ELMO1: variants seen among roughly 807,000 people sequenced by gnomAD.
The protein encoded by ELMO1 is engulfment and cell motility protein 1.
ELMO1 carries 26 observed loss-of-function variants against 98.9 expected under a neutral mutation model. The observed-to-expected ratio is 0.26, with a 90% CI of 0.19 to 0.36. ELMO1 has a LOEUF of 0.36. ELMO1 is among the 10% of genes least tolerant of loss of function. The pLI is 1.00. For missense variants in ELMO1, 627 were observed against 935.2 expected (o/e 0.67, Z 4.30); for synonymous variants, 346 against 346.0 (o/e 1.00, Z 0.00).
chr7:36,913,801 G>A (rs1012830612), intron 16 of ELMO1, among the ~76,000 whole-genome samples: 1 of 152,184 alleles, frequency 6.6e-6, no homozygotes, highest in Admixed American at 6.5e-5. Flanking sequence ...GACTTGTGCT[G>A]ATAACAAAGC....
chr7:37,337,106 T>C (rs894915154), intron 2 of ELMO1, among the ~76,000 whole-genome samples: 1 of 152,148 alleles, frequency 6.6e-6, no homozygotes, highest in African/African-American at 2.4e-5. Flanking sequence ...CACACGTATG[T>C]TTATTGCGGC....
At chr7:37,252,138 T>G (rs1038828324) in intron 6 of ELMO1, among the ~76,000 whole-genome samples, 1 of 152,190 alleles carries the variant, frequency 6.6e-6, no homozygotes, top group Non-Finnish European at 1.5e-5. Flanking sequence ...ATCAATATCA[T>G]GAAAATGGCC....
At chr7:37,367,760 CAAAA>C (rs1801962663) in intron 1 of ELMO1, among the ~76,000 whole-genome samples, 1 of 152,036 alleles carries the variant, frequency 6.6e-6, no homozygotes, top group South Asian at 2.1e-4. Flanking sequence ...AACAAACAAA[CAAAA>C]GACACTGGAA....
At position 36,985,932 on chromosome 7, in the gene ELMO1, G is replaced by A. The variant is rs933433528; in HGVS notation, c.1437+27367C>T. The A allele has an allele frequency of 2.5e-5, 25 of 1,002,858 alleles. No homozygotes were observed. The African/African-American group carries it at 3.8e-4, about 15-fold the overall frequency. 62.1% of individuals were successfully genotyped at this position (1,002,858 alleles called of 1,614,324 possible). A position where few individuals can be genotyped will look rare whatever the true frequency, so the allele number is the denominator to read the frequency against. On this transcript the variant is annotated intron_variant, in intron 16 of 21. Coordinates refer to ENST00000310758, the MANE Select transcript of ELMO1 (RefSeq NM_014800.11). ...ACGGAGGTTTACTCACCAAGCTCCCGTAAGTCCATCTTTCCCAACCACAAA... is the reference window on the plus strand; with the variant it reads ...ACGGAGGTTTACTCACCAAGCTCCCATAAGTCCATCTTTCCCAACCACAAA...
intron 13 of ELMO1, among the ~76,000 whole-genome samples, chr7:37,170,902 G>A (rs1349189885): frequency 1.3e-5 from 2 of 152,038 alleles, no homozygotes; most frequent in Non-Finnish European, 2.9e-5. Flanking sequence ...CACCATGCCT[G>A]GCTGAACTTT....
chr7:37,398,662 G>A (rs1211229470), intron 1 of ELMO1, among the ~76,000 whole-genome samples: 1 of 137,164 alleles, frequency 7.3e-6, no homozygotes, highest in Non-Finnish European at 1.6e-5. Flanking sequence ...CCCTGCTCAC[G>A]TGTACTGCTG....
chr7:36,939,228 C>A (rs1786809864), intron 16 of ELMO1, among the ~76,000 whole-genome samples: 1 of 151,910 alleles, frequency 6.6e-6, no homozygotes, highest in African/African-American at 2.4e-5. Context: ...TGGCCACTTA[C>A]CGAAGACAGA....
chr7:37,154,708 G>C (rs925082641), intron 13 of ELMO1, among the ~76,000 whole-genome samples: 5 of 152,186 alleles, frequency 3.3e-5, no homozygotes, highest in African/African-American at 1.2e-4. Context: ...GCAAATGACG[G>C]GGAGAATGGA....
intron 16 of ELMO1, among the ~76,000 whole-genome samples, chr7:37,011,084 C>T (rs898959201): frequency 2.1e-4 from 32 of 152,166 alleles, no homozygotes; most frequent in Admixed American, 5.2e-4. Context: ...CAGCATTAGT[C>T]TATGATCTGT....
intron 1 of ELMO1, among the ~76,000 whole-genome samples, chr7:37,447,432 T>A (rs902499562): frequency 1.1e-4 from 17 of 151,892 alleles, no homozygotes; most frequent in African/African-American, 3.4e-4. Context: ...CCCAAATATA[T>A]TCACTGAGTC....
intron 1 of ELMO1, among the ~76,000 whole-genome samples, chr7:37,371,516 A>G (rs1802113915): frequency 6.6e-6 from 1 of 152,134 alleles, no homozygotes; most frequent in South Asian, 2.1e-4. Flanking sequence ...GAAACACCAA[A>G]CTTAAGCACA....
At chr7:37,338,576 A>C (rs866776867) in intron 2 of ELMO1, among the ~76,000 whole-genome samples, 5 of 152,204 alleles carry the variant, frequency 3.3e-5, no homozygotes, top group African/African-American at 1.2e-4. Context: ...GCTCACATCC[A>C]GGTTTAAATG....
intron 15 of ELMO1, among the ~76,000 whole-genome samples, chr7:37,067,521 T>C (rs551195157): frequency 5.1e-4 from 78 of 152,320 alleles, no homozygotes; most frequent in African/African-American, 1.8e-3. Context: ...ATTATTCTAC[T>C]ATGTACAGTC....
At chr7:37,267,309 C>A (rs968654259) in intron 5 of ELMO1, among the ~76,000 whole-genome samples, 1 of 152,208 alleles carries the variant, frequency 6.6e-6, no homozygotes, top group Non-Finnish European at 1.5e-5. Flanking sequence ...GTATCACATT[C>A]TTACTAACAA....
At chr7:37,282,263 C>T (rs2130908822) in intron 4 of ELMO1, among the ~76,000 whole-genome samples, 1 of 152,318 alleles carries the variant, frequency 6.6e-6, no homozygotes, top group South Asian at 2.1e-4. Flanking sequence ...CAGGCAGCTC[C>T]AGCATCTTCC....
At chr7:37,391,721 G>T (rs1414878327) in intron 1 of ELMO1, among the ~76,000 whole-genome samples, 1 of 152,194 alleles carries the variant, frequency 6.6e-6, no homozygotes, top group African/African-American at 2.4e-5. Flanking sequence ...AACCTCTTCA[G>T]AAACAGCCTC....
intron 13 of ELMO1, among the ~76,000 whole-genome samples, chr7:37,158,743 T>C (rs1258556147): frequency 6.6e-6 from 1 of 152,218 alleles, no homozygotes; most frequent in Non-Finnish European, 1.5e-5. Flanking sequence ...GAAGACAGTG[T>C]GGCGATTCCT....
chr7:36,919,501 T>G (rs116170386), intron 16 of ELMO1: 4,528 of 451,486 alleles, frequency 0.01, 79 homozygotes, highest in African/African-American at 0.052. Flanking sequence ...TTCTCTCACT[T>G]ATGGGCTAAG....
At chr7:37,181,484 T>G (rs911626352) in intron 13 of ELMO1, among the ~76,000 whole-genome samples, 3 of 152,132 alleles carry the variant, frequency 2.0e-5, no homozygotes, top group African/African-American at 7.2e-5. Flanking sequence ...CGTCCTTGTA[T>G]AAGCCAAGAC....
Sources: allele counts gnomAD v4.1 joint callset (sites outside exome capture counted in the v4.1 genomes callset), GRCh38; gene constraint gnomAD v4.1.1; transcripts MANE v1.5; gene names NCBI Gene and HGNC (gene_info 2026-07-23, HGNC 2026-07-21).